Variants in MYO6 observed in about 807,000 individuals in gnomAD.
MYO6 encodes the protein myosin VI.
In MYO6, 74 loss-of-function variants were observed where a neutral mutation model predicts 178.7. The ratio of observed to expected loss-of-function variants is 0.41; its 90% CI spans 0.34 to 0.50. The LOEUF (loss-of-function observed/expected upper bound fraction) is 0.50. Ranked by LOEUF, MYO6 falls within the 20% of genes least tolerant of loss-of-function variation. The probability of loss-of-function intolerance (pLI) is 0.09; values close to 1 mark genes in which losing one functional copy is unlikely to be tolerated. For synonymous variants in MYO6, 477 were observed against 504.6 expected (o/e 0.95, Z 0.73); for missense variants, 1,330 against 1,547.4 (o/e 0.86, Z 2.36).
chr6:75,789,506 A>C (rs892495281), intron 1 of MYO6, among the ~76,000 whole-genome samples: 4 of 152,000 alleles, frequency 2.6e-5, no homozygotes, highest in Admixed American at 2.0e-4. Flanking sequence ...TTTATTGTTA[A>C]ATATTTATTT....
Position 75,913,988 on chromosome 6 carries a change from G to C in MYO6, c.3440-75G>C, listed in dbSNP as rs1173186524. 6.2e-6 allele frequency: 8 copies of C among 1,298,704 alleles called. No individual in the cohort carries two copies. The East Asian group carries it at 1.9e-4, about 30-fold the overall frequency. 80.4% of individuals were successfully genotyped at this position (1,298,704 alleles called of 1,614,324 possible). On this transcript the variant is annotated intron_variant, in intron 33 of 34. Coordinates refer to ENST00000369977, the MANE Select transcript of MYO6 (RefSeq NM_004999.4). The stretch of plus-strand genomic sequence containing the variant: ...TTTCTTCTTTTTAAAAAATTATTGG[G>C]GTATATTTTAGGATTAAAGGCTCTT...
At chr6:75,889,440 C>T (rs1562289806) in intron 25 of MYO6, among the ~76,000 whole-genome samples, 1 of 152,166 alleles carries the variant, frequency 6.6e-6, no homozygotes, top group Admixed American at 6.5e-5. Flanking sequence ...AAGAGGCTTG[C>T]TCTGTTGCCC....
intron 1 of MYO6, chr6:75,768,211 T>C (rs1371683313): frequency 6.6e-6 from 1 of 152,210 alleles, no homozygotes; most frequent in African/African-American, 2.4e-5. Context: ...ATAACTTTTT[T>C]ACCTGTAGTT....
intron 1 of MYO6, among the ~76,000 whole-genome samples, chr6:75,767,212 A>C (rs531585789): frequency 3.1e-4 from 47 of 152,120 alleles, no homozygotes; most frequent in African/African-American, 1.1e-3. Context: ...TTTTTAGTAG[A>C]GACGAGTTTT....
intron 15 of MYO6, 40 bp downstream of exon 15, chr6:75,861,135 G>A: frequency 6.9e-7 from 1 of 1,441,094 alleles, no homozygotes; most frequent in Non-Finnish European, 9.8e-7. Flanking sequence ...AATATAGGAA[G>A]ATGTAGTGAA....
At chr6:75,820,148 T>A (rs768333880) in intron 2 of MYO6, among the ~76,000 whole-genome samples, 2 of 152,210 alleles carry the variant, frequency 1.3e-5, no homozygotes, top group Non-Finnish European at 2.9e-5. Flanking sequence ...AGCCCTAAAT[T>A]TATGGCATAG....
intron 1 of MYO6, among the ~76,000 whole-genome samples, chr6:75,772,894 T>G (rs1234155609): frequency 2.6e-5 from 4 of 152,234 alleles, no homozygotes; most frequent in Non-Finnish European, 4.4e-5. Flanking sequence ...TAAAGCATAT[T>G]GTTCAATTAT....
Position 75,866,620 on chromosome 6 carries a change from C to A in MYO6, c.1769C>A (p.Thr590Lys). The A allele has an allele frequency of 6.2e-7, 1 of 1,611,622 alleles. No homozygotes were observed. The highest frequency in any genetic ancestry group is 1.1e-5 in the South Asian group (1 of 91,024). The change falls in exon 17 of 35, where the codon ACA (threonine) becomes AAA (lysine). Residue 590 changes from threonine (T) to lysine (K), a missense_variant and splice_region_variant. Thr to Lys is a moderately conservative substitution (Grantham distance 78). This residue lies in a region of MYO6 where 613 missense variants were observed against 816.8 expected (regional missense o/e 0.75). Transcript: ENST00000369977. ...RHFAGAVCYE[T>K]TQFVEKNNDA... ...TTTGCGGGGGCAGTGTGCTATGAAA[C>A]AGTGAGTATAACTTTTACAAGGAGA...
intron 17 of MYO6, 140 bp from the exon 18 acceptor site, chr6:75,866,792 A>G (rs571500402): frequency 1.9e-6 from 2 of 1,074,956 alleles, no homozygotes; most frequent in South Asian, 2.7e-5. Context: ...CCCAGTGTCC[A>G]CACTGACTAG....
intron 8 of MYO6, among the ~76,000 whole-genome samples, chr6:75,840,921 T>A (rs572338848): frequency 1.3e-5 from 2 of 152,324 alleles, no homozygotes; most frequent in African/African-American, 4.8e-5. Flanking sequence ...TCATGTAAGA[T>A]ATTCTAGCAC....
intron 1 of MYO6, among the ~76,000 whole-genome samples, chr6:75,813,812 A>G (rs980723604): frequency 6.6e-6 from 1 of 151,938 alleles, no homozygotes; most frequent in African/African-American, 2.4e-5. Context: ...TCTGCCTAGG[A>G]TGTGTTTAGA....
chr6:75,867,083 T>C lies in MYO6; in HGVS notation c.1922T>C (p.Ile641Thr). The change falls in exon 18 of 35, where the codon ATC becomes ACC. Residue 641 changes from isoleucine to threonine, a missense_variant. Physicochemically the swap from Ile to Thr is moderately conservative, Grantham distance 89. This residue lies in a region of MYO6 where 613 missense variants were observed against 816.8 expected (regional missense o/e 0.75). Transcript: ENST00000369977. ...CAAAAAGCAGGAAAACTTAGCTTCATCAGCGTGGGAAACAAGTTTAAGGTA... is the reference window on the plus strand; with the variant it reads ...CAAAAAGCAGGAAAACTTAGCTTCACCAGCGTGGGAAACAAGTTTAAGGTA... ...TKQKAGKLSF[I>T]SVGNKFKTQL... The C allele has an allele frequency of 6.2e-7, 1 of 1,613,612 alleles. No homozygotes were observed. The highest frequency in any genetic ancestry group is 8.5e-7 in the Non-Finnish European group (1 of 1,179,780).
chr6:75,794,747 AATAAAAAAAAAAAT>A (rs1562168435), intron 1 of MYO6, among the ~76,000 whole-genome samples: 2,941 of 133,336 alleles, frequency 0.022, 98 homozygotes, highest in African/African-American at 0.1. Context: ...AAATAAAAAA[AATAAAAAAAAAAAT>A]AAAATGTGCT....
chr6:75,851,776 G>A (rs1395620952), intron 11 of MYO6, among the ~76,000 whole-genome samples: 2 of 152,072 alleles, frequency 1.3e-5, no homozygotes, highest in Admixed American at 1.3e-4. Flanking sequence ...TGGCGGTCGA[G>A]GCTGCAGTGA....
intron 11 of MYO6, among the ~76,000 whole-genome samples, chr6:75,852,293 G>A (rs1775350629): frequency 6.6e-6 from 1 of 152,040 alleles, no homozygotes; most frequent in Non-Finnish European, 1.5e-5. Context: ...TTCATAGAAT[G>A]AAACATTCAA....
At chr6:75,841,144 T>G in intron 8 of MYO6, 70 bp from the exon 9 acceptor site, 1 of 1,428,336 alleles carries the variant, frequency 7.0e-7, no homozygotes, top group Middle Eastern at 2.0e-4. Flanking sequence ...GGTAAATAAT[T>G]TAACATTGGT....
chr6:75,879,017 C>A (rs189712677), intron 20 of MYO6, among the ~76,000 whole-genome samples: 1 of 152,288 alleles, frequency 6.6e-6, no homozygotes, highest in African/African-American at 2.4e-5. Context: ...GAAAGGCAGT[C>A]TTTATAGTGA....
At chr6:75,791,539 T>G (rs1768250711) in intron 1 of MYO6, among the ~76,000 whole-genome samples, 2 of 152,180 alleles carry the variant, frequency 1.3e-5, no homozygotes, top group Admixed American at 6.5e-5. Flanking sequence ...AATCGAGACT[T>G]AAATGATAAA....
At chr6:75,893,416 T>A (rs563311193) in intron 28 of MYO6, among the ~76,000 whole-genome samples, 3 of 152,308 alleles carry the variant, frequency 2.0e-5, no homozygotes, top group African/African-American at 7.2e-5. Flanking sequence ...GGTATATATA[T>A]GTTGTATATA....
Sources: gnomAD v4.1 joint callset for allele counts (sites outside exome capture counted in the v4.1 genomes callset) on GRCh38, gnomAD v4.1.1 for gene constraint, gnomAD v4.1.1 regional missense constraint, MANE v1.5 for transcripts, NCBI Gene and HGNC (gene_info 2026-07-23, HGNC 2026-07-21) for gene names.